The following AUTS2 variants were observed in gnomAD, a reference collection of about 807,000 sequenced individuals.
AUTS2 encodes the protein activator of transcription and developmental regulator AUTS2, also known as autism susceptibility gene 2 protein.
In AUTS2, 17 loss-of-function variants were observed where a neutral mutation model predicts 112.4. The observed-to-expected ratio is 0.15, with a 90% confidence interval of 0.10 to 0.23. The LOEUF is 0.23. Among genes scored for constraint, AUTS2 ranks in the 10% least tolerant of loss-of-function variants. The pLI is 1.00. For synonymous variants in AUTS2, 751 were observed against 702.7 expected (o/e 1.07, Z -1.09); for missense variants, 1,510 against 1,701.6 (o/e 0.89, Z 1.98).
intron 1 of AUTS2, among the ~76,000 whole-genome samples, chr7:69,642,304 A>C (rs1341190571): frequency 6.6e-6 from 1 of 152,156 alleles, no homozygotes; most frequent in African/African-American, 2.4e-5. Context: ...GAAGGGAAAA[A>C]AATGGCAACA....
chr7:70,565,642 T>C (rs1265316990), intron 5 of AUTS2, among the ~76,000 whole-genome samples: 3 of 152,246 alleles, frequency 2.0e-5, no homozygotes, highest in Non-Finnish European at 4.4e-5. Context: ...GTTGTACCAC[T>C]GTACTCCATC....
At chr7:70,182,500 A>G (rs936348018) in intron 4 of AUTS2, among the ~76,000 whole-genome samples, 2 of 152,236 alleles carry the variant, frequency 1.3e-5, no homozygotes, top group Non-Finnish European at 2.9e-5. Context: ...CCTCCAACAT[A>G]GTAGGACCTC....
chr7:70,754,939 C>T (rs56115165), intron 6 of AUTS2, among the ~76,000 whole-genome samples: 16,265 of 151,790 alleles, frequency 0.11, 891 homozygotes, highest in Non-Finnish European at 0.13. Flanking sequence ...GACTTCGTAA[C>T]AGAATATGAA....
intron 2 of AUTS2, among the ~76,000 whole-genome samples, chr7:70,003,656 GA>G (rs1304583608): frequency 8.3e-6 from 1 of 120,786 alleles, no homozygotes; most frequent in African/African-American, 3.2e-5. Flanking sequence ...TGTTATATAT[GA>G]ATATATATAA....
At chr7:70,455,697 G>C (rs1309699156) in intron 5 of AUTS2, among the ~76,000 whole-genome samples, 1 of 152,156 alleles carries the variant, frequency 6.6e-6, no homozygotes, top group African/African-American at 2.4e-5. Context: ...CAAGGTGGGA[G>C]GATCACTTGA....
At chr7:70,013,804 G>A (rs1403231299) in intron 2 of AUTS2, among the ~76,000 whole-genome samples, 2 of 152,220 alleles carry the variant, frequency 1.3e-5, no homozygotes, top group South Asian at 2.1e-4. Flanking sequence ...TGCAACCTCC[G>A]CCTCCCGGGT....
intron 4 of AUTS2, among the ~76,000 whole-genome samples, chr7:70,358,381 C>T (rs1229508526): frequency 1.3e-5 from 2 of 152,250 alleles, no homozygotes; most frequent in Admixed American, 6.5e-5. Flanking sequence ...GCCCAGCTTA[C>T]TTCTCTTCAC....
At chr7:70,181,097 A>G (rs1809273317) in intron 4 of AUTS2, among the ~76,000 whole-genome samples, 1 of 152,204 alleles carries the variant, frequency 6.6e-6, no homozygotes, top group Non-Finnish European at 1.5e-5. Flanking sequence ...TTTTAAATGG[A>G]AGATGATGCT....
chr7:70,094,190 A>G (rs1804068860), intron 2 of AUTS2, among the ~76,000 whole-genome samples: 1 of 152,242 alleles, frequency 6.6e-6, no homozygotes, highest in South Asian at 2.1e-4. Context: ...TAGAGAATAT[A>G]AATGGTTTTA....
At chr7:69,757,159 C>A (rs1787976883) in intron 1 of AUTS2, among the ~76,000 whole-genome samples, 2 of 152,176 alleles carry the variant, frequency 1.3e-5, no homozygotes, top group Admixed American at 1.3e-4. Flanking sequence ...CTTCTTCAAC[C>A]TCTGCTATAA....
At chr7:70,651,847 T>C (rs1563103286) in intron 5 of AUTS2, among the ~76,000 whole-genome samples, 1 of 152,152 alleles carries the variant, frequency 6.6e-6, no homozygotes, top group Non-Finnish European at 1.5e-5. Context: ...GGGCTGGTCA[T>C]CTGGATCCCA....
intron 4 of AUTS2, among the ~76,000 whole-genome samples, chr7:70,282,070 A>ATG (rs138424794): frequency 0.088 from 13,434 of 152,212 alleles, 829 homozygotes; most frequent in African/African-American, 0.17. Flanking sequence ...ATTGATTACA[A>ATG]TGTGTGTGTG....
In AUTS2 at chr7:69,642,103, C is replaced by T. The variant is rs143092989; in HGVS notation, c.309+42141C>T. ...ACAGTCTTCTAATGCAGACATTCCA[C>T]GATTCTCTAGGGAGGATTCACTTCC... is the stretch of plus-strand genomic sequence containing the variant. On this transcript the variant is annotated intron_variant, in intron 1 of 18. Transcript: ENST00000342771. Among the ~76,000 whole-genome samples the T allele has an allele frequency of 3.0e-4, 46 of 152,272 alleles. No homozygotes were observed. In the East Asian group the frequency reaches 8.1e-3, roughly 27 times the overall value.
At chr7:69,612,491 G>A (rs773749371) in intron 1 of AUTS2, among the ~76,000 whole-genome samples, 2 of 151,082 alleles carry the variant, frequency 1.3e-5, no homozygotes, top group Admixed American at 6.6e-5. Flanking sequence ...ACATGTTCTC[G>A]CTCTGTTGCC....
At chr7:70,628,377 GTATATA>G (rs1164375910) in intron 5 of AUTS2, among the ~76,000 whole-genome samples, 17 of 139,244 alleles carry the variant, frequency 1.2e-4, no homozygotes, top group African/African-American at 4.3e-4. Context: ...ATATGTATAT[GTATATA>G]TAAATTATAT....
intron 5 of AUTS2, among the ~76,000 whole-genome samples, chr7:70,569,108 G>T (rs1394215102): frequency 6.6e-6 from 1 of 152,280 alleles, no homozygotes; most frequent in South Asian, 2.1e-4. Flanking sequence ...AGCTGTTCTG[G>T]TTGAAGACCC....
intron 1 of AUTS2, among the ~76,000 whole-genome samples, chr7:69,869,163 A>G (rs930822015): frequency 3.3e-5 from 5 of 152,172 alleles, no homozygotes; most frequent in African/African-American, 1.2e-4. Flanking sequence ...TGGAAATGAC[A>G]TTCTGCACAA....
intron 1 of AUTS2, among the ~76,000 whole-genome samples, chr7:69,691,802 T>C (rs1475066723): frequency 6.6e-6 from 1 of 152,152 alleles, no homozygotes; most frequent in African/African-American, 2.4e-5. Flanking sequence ...GGGCCGCTGC[T>C]GCCATCATCA....
At chr7:69,773,817 TACCGTGTAGCAAAA>T (rs960893288) in intron 1 of AUTS2, among the ~76,000 whole-genome samples, 14 of 152,194 alleles carry the variant, frequency 9.2e-5, no homozygotes, top group African/African-American at 3.4e-4. Context: ...CTTCCGTCTC[TACCGTGTAGCAAAA>T]AAATAATGTG....
Sources: gnomAD v4.1 joint callset for allele counts (sites outside exome capture counted in the v4.1 genomes callset) on GRCh38, gnomAD v4.1.1 for gene constraint, MANE v1.5 for transcripts, NCBI Gene and HGNC (gene_info 2026-07-23, HGNC 2026-07-21) for gene names.